Variants in CADM2 observed in about 807,000 individuals in gnomAD.
CADM2 encodes cell adhesion molecule 2, also known as immunoglobulin superfamily member 4D.
CADM2 carries 12 observed loss-of-function variants against 49.8 expected under a neutral mutation model. That is an observed-to-expected ratio of 0.24 (90% CI 0.15 to 0.39). CADM2 has a LOEUF of 0.39. Ranked by LOEUF, CADM2 falls within the 10% of genes least tolerant of loss-of-function variation. CADM2 has a pLI of 1.00. For synonymous variants in CADM2, 214 were observed against 175.4 expected (o/e 1.22, Z -1.74); for missense variants, 378 against 492.3 (o/e 0.77, Z 2.20).
intron 1 of CADM2, among the ~76,000 whole-genome samples, chr3:85,601,169 T>C (rs201663531): frequency 0.35 from 24,904 of 71,714 alleles, 3,406 homozygotes; most frequent in East Asian, 0.6. Context: ...TATATATATA[T>C]ATATACACAC....
chr3:85,777,454 C>T (rs1298025308), intron 2 of CADM2, among the ~76,000 whole-genome samples: 4 of 151,942 alleles, frequency 2.6e-5, no homozygotes, highest in African/African-American at 4.8e-5. Flanking sequence ...GGGGTTTCTA[C>T]TCATTTGCCA....
At position 85,426,098 on chromosome 3, in the gene CADM2, T is replaced by C. The variant is rs114396850; in HGVS notation, c.62-300424T>C. On this transcript the variant is annotated intron_variant, in intron 1 of 9. Coordinates refer to ENST00000383699, the MANE Select transcript of CADM2 (RefSeq NM_001167675.2). ...TTTTCTCAACAACCATGTGCAGGCA[T>C]AATGCAGCAATAATATCCTGATTTC... 3.5e-3 allele frequency among the ~76,000 whole-genome samples: 525 copies of C among 152,094 alleles called. 4 individuals are homozygous for C. The highest frequency in any genetic ancestry group is 0.012 in the African/African-American group (499 of 41,522).
At chr3:85,114,761 T>C (rs918393062) in intron 1 of CADM2, among the ~76,000 whole-genome samples, 3 of 152,214 alleles carry the variant, frequency 2.0e-5, no homozygotes, top group African/African-American at 4.8e-5. Context: ...TTTCATGATA[T>C]GTGAAATCAG....
intron 1 of CADM2, among the ~76,000 whole-genome samples, chr3:85,007,733 T>C (rs898904077): frequency 1.3e-5 from 2 of 152,194 alleles, no homozygotes; most frequent in African/African-American, 2.4e-5. Context: ...GATTGAATCA[T>C]AGTTTGTGTG....
intron 1 of CADM2, among the ~76,000 whole-genome samples, chr3:85,678,652 G>T (rs73143380): frequency 1.3e-5 from 2 of 152,008 alleles, no homozygotes; most frequent in African/African-American, 4.8e-5. Flanking sequence ...AACATTTTCC[G>T]TTCATCATCT....
chr3:85,413,014 G>A (rs1026781932), intron 1 of CADM2, among the ~76,000 whole-genome samples: 19 of 151,094 alleles, frequency 1.3e-4, no homozygotes, highest in Admixed American at 8.6e-4. Flanking sequence ...GGTGGCGGGC[G>A]CCTGTAGTCC....
chr3:85,683,355 A>T (rs2066094972), intron 1 of CADM2, among the ~76,000 whole-genome samples: 1 of 152,160 alleles, frequency 6.6e-6, no homozygotes, highest in African/African-American at 2.4e-5. Context: ...TGATTTGCTT[A>T]TGCTGTATGA....
intron 1 of CADM2, among the ~76,000 whole-genome samples, chr3:85,513,388 T>C (rs2060819471): frequency 6.6e-6 from 1 of 152,054 alleles, no homozygotes; most frequent in Non-Finnish European, 1.5e-5. Context: ...AGACCCATCG[T>C]CATTCATTTA....
At chr3:85,907,149 G>A (rs1368853530) in intron 5 of CADM2, among the ~76,000 whole-genome samples, 1 of 152,124 alleles carries the variant, frequency 6.6e-6, no homozygotes, top group Non-Finnish European at 1.5e-5. Flanking sequence ...TATATTTTCT[G>A]TTCTCTATGA....
chr3:85,111,838 G>T (rs561041275), intron 1 of CADM2, among the ~76,000 whole-genome samples: 33 of 151,828 alleles, frequency 2.2e-4, no homozygotes, highest in South Asian at 4.1e-4. Flanking sequence ...TCAACTGTAA[G>T]ATAAAATTGA....
At chr3:85,749,167 A>T (rs2068754754) in intron 2 of CADM2, among the ~76,000 whole-genome samples, 1 of 151,846 alleles carries the variant, frequency 6.6e-6, no homozygotes, top group African/African-American at 2.4e-5. Context: ...AAACAAAAGA[A>T]TTCAATACCA....
intron 1 of CADM2, among the ~76,000 whole-genome samples, chr3:85,383,160 C>T (rs1041252276): frequency 2.6e-5 from 4 of 152,202 alleles, no homozygotes; most frequent in Admixed American, 6.5e-5. Flanking sequence ...TCACTTCCAT[C>T]TTCTGTATGT....
chr3:85,278,273 C>T (rs1168422435), intron 1 of CADM2, among the ~76,000 whole-genome samples: 5 of 151,352 alleles, frequency 3.3e-5, no homozygotes. Context: ...TATGATCTCA[C>T]ATTATTTCCG....
intron 1 of CADM2, among the ~76,000 whole-genome samples, chr3:85,088,762 G>A (rs2037480529): frequency 6.6e-6 from 1 of 152,016 alleles, no homozygotes; most frequent in Non-Finnish European, 1.5e-5. Context: ...ATTGTCTTTA[G>A]AAAGAAAGAT....
chr3:84,961,382 T>G (rs1434022897), intron 1 of CADM2, among the ~76,000 whole-genome samples: 2 of 152,302 alleles, frequency 1.3e-5, no homozygotes, highest in African/African-American at 4.8e-5. Context: ...TTGTGTATTT[T>G]ACGTTGGGTG....
intron 1 of CADM2, among the ~76,000 whole-genome samples, chr3:85,260,476 C>T (rs371851142): frequency 6.6e-6 from 1 of 152,066 alleles, no homozygotes; most frequent in Non-Finnish European, 1.5e-5. Flanking sequence ...CATAACTAAA[C>T]AAATGTCTGG....
intron 8 of CADM2, among the ~76,000 whole-genome samples, chr3:85,983,298 G>A (rs960380736): frequency 1.3e-5 from 2 of 151,654 alleles, no homozygotes; most frequent in African/African-American, 4.8e-5. Flanking sequence ...CAGGCAATTA[G>A]TATCTTATTA....
In CADM2 at chr3:86,073,786, A is replaced by ACAT. The variant is rs1703407397; in HGVS notation, c.*7004_*7006dup. 2 of 151,986 alleles carry ACAT rather than the reference A, an allele frequency of 1.3e-5. No homozygotes were observed. The highest frequency in any genetic ancestry group is 1.3e-4 in the Admixed American group (2 of 15,254). 9.4% of individuals were successfully genotyped at this position (151,986 alleles called of 1,614,324 possible). A position where few individuals can be genotyped will look rare whatever the true frequency, so the allele number is the denominator to read the frequency against. Reference sequence around the variant, plus strand: ...CAAAACATACTTCTTTATGCCAAACACATTATTTTGAATACCTTTTTTTCA... The same window carrying ACAT: ...CAAAACATACTTCTTTATGCCAAACACATCATTATTTTGAATACCTTTTTTTCA... On this transcript the variant is annotated 3_prime_UTR_variant, in exon 10 of 10. Coordinates refer to ENST00000383699, the MANE Select transcript of CADM2 (RefSeq NM_001167675.2).
At chr3:85,910,279 C>T (rs1460986691) in intron 5 of CADM2, among the ~76,000 whole-genome samples, 1 of 152,034 alleles carries the variant, frequency 6.6e-6, no homozygotes, top group Non-Finnish European at 1.5e-5. Context: ...TCAATATTTT[C>T]TTACTCTGAC....
Sources: allele counts gnomAD v4.1 joint callset (sites outside exome capture counted in the v4.1 genomes callset), GRCh38; gene constraint gnomAD v4.1.1; transcripts MANE v1.5; gene names NCBI Gene and HGNC (gene_info 2026-07-23, HGNC 2026-07-21).